Variants in ROBO1 observed in about 807,000 individuals in gnomAD.
ROBO1 encodes the protein roundabout homolog 1.
A neutral mutation model predicts 195.9 loss-of-function variants in ROBO1; 149 were observed. The ratio of observed to expected loss-of-function variants is 0.76; its 90% CI spans 0.67 to 0.87. The LOEUF (loss-of-function observed/expected upper bound fraction) is 0.87. ROBO1 is among the 40% of genes least tolerant of loss of function. The pLI is 0.00. For missense variants in ROBO1, 1,933 were observed against 2,068.3 expected (o/e 0.93, Z 1.27); for synonymous variants, 816 against 733.2 (o/e 1.11, Z -1.82).
At chr3:79,424,022 T>C (rs1379878368) in intron 2 of ROBO1, among the ~76,000 whole-genome samples, 2 of 152,064 alleles carry the variant, frequency 1.3e-5, no homozygotes, top group Non-Finnish European at 2.9e-5. Flanking sequence ...TCTATAAATA[T>C]ATGATGTCTT....
intron 3 of ROBO1, among the ~76,000 whole-genome samples, chr3:78,945,364 T>C (rs189528604): frequency 1.3e-5 from 2 of 152,178 alleles, no homozygotes; most frequent in South Asian, 2.1e-4. Flanking sequence ...AGTTCACCAA[T>C]ATATGCTGTT....
At chr3:79,128,543 G>A (rs1356663472) in intron 2 of ROBO1, among the ~76,000 whole-genome samples, 3 of 152,110 alleles carry the variant, frequency 2.0e-5, no homozygotes, top group African/African-American at 4.8e-5. Context: ...TATGCAAAGC[G>A]GGGATAAAAA....
chr3:79,667,615 T>C (rs1946511568), intron 1 of ROBO1, among the ~76,000 whole-genome samples: 1 of 151,754 alleles, frequency 6.6e-6, no homozygotes, highest in African/African-American at 2.4e-5. Flanking sequence ...CAGATAAATG[T>C]GTGTTTTATT....
intron 2 of ROBO1, among the ~76,000 whole-genome samples, chr3:79,316,244 G>A (rs1408238215): frequency 6.6e-6 from 1 of 152,058 alleles, no homozygotes; most frequent in Non-Finnish European, 1.5e-5. Flanking sequence ...GGAGGAGGAG[G>A]TTCAAGAATG....
intron 2 of ROBO1, among the ~76,000 whole-genome samples, chr3:79,352,128 A>T (rs568003895): frequency 1.4e-3 from 213 of 152,320 alleles, no homozygotes; most frequent in Non-Finnish European, 2.1e-3. Flanking sequence ...ACTTACTAGA[A>T]ATTGAAGTAT....
chr3:79,511,720 C>T (rs951049076), intron 2 of ROBO1, among the ~76,000 whole-genome samples: 2 of 152,070 alleles, frequency 1.3e-5, no homozygotes, highest in African/African-American at 4.8e-5. Flanking sequence ...TACATAAACA[C>T]CATGGAATAC....
intron 2 of ROBO1, among the ~76,000 whole-genome samples, chr3:79,542,704 T>C (rs4586770): frequency 0.57 from 86,896 of 151,788 alleles, 24,991 homozygotes; most frequent in Non-Finnish European, 0.6. Flanking sequence ...ATAACTGAGA[T>C]TTAAAGTGAT....
At chr3:79,107,100 C>T (rs2079795256) in intron 3 of ROBO1, among the ~76,000 whole-genome samples, 1 of 141,504 alleles carries the variant, frequency 7.1e-6, no homozygotes, top group South Asian at 2.3e-4. Context: ...ATCTATACCT[C>T]TCTCTTTCTC....
At chr3:79,503,608 A>G (rs1002307335) in intron 2 of ROBO1, among the ~76,000 whole-genome samples, 2 of 152,186 alleles carry the variant, frequency 1.3e-5, no homozygotes, top group African/African-American at 2.4e-5. Context: ...CCTGTGTTGG[A>G]GGATAGGTCT....
At chr3:79,502,181 C>T (rs983306757) in intron 2 of ROBO1, among the ~76,000 whole-genome samples, 1 of 152,228 alleles carries the variant, frequency 6.6e-6, no homozygotes, top group Admixed American at 6.5e-5. Flanking sequence ...TTCAGCCCGC[C>T]GCTGCACTGT....
At chr3:79,473,601 A>G (rs1347558466) in intron 2 of ROBO1, among the ~76,000 whole-genome samples, 1 of 152,078 alleles carries the variant, frequency 6.6e-6, no homozygotes, top group Non-Finnish European at 1.5e-5. Context: ...CCTACTGTAT[A>G]CAACAAAATT....
chr3:79,483,267 G>T (rs967136137), intron 2 of ROBO1, among the ~76,000 whole-genome samples: 1 of 152,172 alleles, frequency 6.6e-6, no homozygotes, highest in Non-Finnish European at 1.5e-5. Context: ...TGTTAATTCT[G>T]TCATGATACA....
intron 2 of ROBO1, among the ~76,000 whole-genome samples, chr3:79,239,911 T>C (rs1250031539): frequency 2.0e-5 from 3 of 152,114 alleles, no homozygotes; most frequent in African/African-American, 7.2e-5. Context: ...CAAATAAACT[T>C]GTATATATTT....
intron 4 of ROBO1, among the ~76,000 whole-genome samples, chr3:78,790,348 C>CAT (rs200140485): frequency 2.3e-4 from 35 of 151,742 alleles, no homozygotes; most frequent in Admixed American, 7.9e-4. Flanking sequence ...ATAGTAGGTA[C>CAT]ATATATATAT....
chr3:79,481,710 C>T (rs1177488548), intron 2 of ROBO1, among the ~76,000 whole-genome samples: 1 of 152,062 alleles, frequency 6.6e-6, no homozygotes, highest in Non-Finnish European at 1.5e-5. Flanking sequence ...CATTTTGTCC[C>T]CTGGCAATCT....
intron 1 of ROBO1, among the ~76,000 whole-genome samples, chr3:79,659,689 G>C (rs148093318): frequency 2.0e-3 from 301 of 152,150 alleles, no homozygotes; most frequent in Non-Finnish European, 3.3e-3. Context: ...TAATTGGATA[G>C]AGAAGATAAT....
At chr3:79,023,774 C>G (rs1364905015) in intron 3 of ROBO1, among the ~76,000 whole-genome samples, 1 of 139,378 alleles carries the variant, frequency 7.2e-6, no homozygotes, top group African/African-American at 2.7e-5. Context: ...GCGATCTCGG[C>G]TCACTGCAAC....
At chr3:79,715,335 G>T (rs1347231524) in intron 1 of ROBO1, among the ~76,000 whole-genome samples, 1 of 152,048 alleles carries the variant, frequency 6.6e-6, no homozygotes, top group Admixed American at 6.6e-5. Flanking sequence ...AATCAATGCA[G>T]CAAACCTCAT....
At chr3:79,767,321 C>G (rs558280062) in intron 1 of ROBO1, among the ~76,000 whole-genome samples, 1 of 152,128 alleles carries the variant, frequency 6.6e-6, no homozygotes, top group Non-Finnish European at 1.5e-5. Context: ...CGCTGATGCT[C>G]GCCGCATCCC....
Sources: allele counts gnomAD v4.1 joint callset (sites outside exome capture counted in the v4.1 genomes callset), GRCh38; gene constraint gnomAD v4.1.1; transcripts MANE v1.5; gene names NCBI Gene and HGNC (gene_info 2026-07-23, HGNC 2026-07-21).